The following C13orf42 variants were observed in gnomAD, a reference collection of about 807,000 sequenced individuals.
C13orf42 encodes the protein uncharacterized protein C13orf42.
At chr13:51,091,119 T>C (rs1216842248) in intron 1 of C13orf42, among the ~76,000 whole-genome samples, 1 of 152,222 alleles carries the variant, frequency 6.6e-6, no homozygotes, top group Non-Finnish European at 1.5e-5. Flanking sequence ...TCTGAAACAC[T>C]GACAAGTGAG....
At chr13:51,149,248 T>C (rs558713742) in intron 1 of C13orf42, among the ~76,000 whole-genome samples, 4 of 149,486 alleles carry the variant, frequency 2.7e-5, no homozygotes, top group Middle Eastern at 3.2e-3. Context: ...CTCTGAAGGC[T>C]GCTTAGAAAT....
upstream of C13orf42, among the ~76,000 whole-genome samples, chr13:51,115,016 AAAC>A (rs556926964): frequency 2.6e-5 from 4 of 152,236 alleles, no homozygotes; most frequent in Non-Finnish European, 5.9e-5. Flanking sequence ...TACAATTAAA[AAAC>A]AACAAAAATA....
In C13orf42 at chr13:51,087,712, G is replaced by A. The variant is rs572870860; in HGVS notation, c.562+216C>T. 2.7e-4 allele frequency among the ~76,000 whole-genome samples: 41 copies of A among 152,318 alleles called. No individual in the cohort carries two copies. The South Asian group carries it at 3.7e-3, about 14-fold the overall frequency. ...AGTGTTGGAGAGGCAGCCTAGAGCC[G>A]TGGCAGCACAGAAAACTGAAGTAAG... On this transcript the variant is annotated intron_variant, in intron 2 of 3. Transcript: ENST00000563710.
At chr13:51,160,912 C>G (rs1319424555) in intron 1 of C13orf42, among the ~76,000 whole-genome samples, 1 of 150,352 alleles carries the variant, frequency 6.7e-6, no homozygotes, top group Admixed American at 6.6e-5. Flanking sequence ...TATTGGAGAT[C>G]CTGCCAGCAT....
At chr13:51,108,101 T>C (rs1014489444) in intron 1 of C13orf42, among the ~76,000 whole-genome samples, 1 of 152,134 alleles carries the variant, frequency 6.6e-6, no homozygotes, top group Non-Finnish European at 1.5e-5. Flanking sequence ...CTTTTGTCCG[T>C]GGCATTCTCC....
At chr13:51,114,900 G>A (rs1953474880), upstream of C13orf42, among the ~76,000 whole-genome samples, 2 of 152,226 alleles carry the variant, frequency 1.3e-5, no homozygotes, top group South Asian at 2.1e-4. Context: ...GTCAAAAAAG[G>A]AGGGAGATGG....
At chr13:51,144,343 C>T (rs1953719082) in intron 1 of C13orf42, among the ~76,000 whole-genome samples, 1 of 143,244 alleles carries the variant, frequency 7.0e-6, no homozygotes, top group African/African-American at 2.6e-5. Flanking sequence ...AGTCTTAAAA[C>T]TTTCTTTTGA....
chr13:51,094,092 C>T (rs1953208928), intron 1 of C13orf42, among the ~76,000 whole-genome samples: 2 of 152,198 alleles, frequency 1.3e-5, no homozygotes, highest in South Asian at 2.1e-4. Context: ...ATGGTGGATC[C>T]GGAGTCTCTT....
chr13:51,111,818 G>A (rs1953437869), upstream of C13orf42, among the ~76,000 whole-genome samples: 1 of 151,992 alleles, frequency 6.6e-6, no homozygotes, highest in Non-Finnish European at 1.5e-5. Context: ...ACAGGAGCTC[G>A]CAGATCCCCC....
intron 1 of C13orf42, among the ~76,000 whole-genome samples, chr13:51,106,573 T>C (rs1281567361): frequency 6.6e-6 from 1 of 152,090 alleles, no homozygotes; most frequent in Non-Finnish European, 1.5e-5. Flanking sequence ...CAAGCCCCAG[T>C]TTTCCCCTTT....
At chr13:51,091,728 C>T (rs749461124) in intron 1 of C13orf42, among the ~76,000 whole-genome samples, 4 of 152,184 alleles carry the variant, frequency 2.6e-5, no homozygotes, top group East Asian at 3.9e-4. Flanking sequence ...ATAGGGGAGA[C>T]AGCAAAGGGG....
intron 1 of C13orf42, among the ~76,000 whole-genome samples, chr13:51,169,617 C>T (rs1211349613): frequency 6.6e-6 from 1 of 152,212 alleles, no homozygotes; most frequent in African/African-American, 2.4e-5. Flanking sequence ...GACCAAGGTC[C>T]GGCCACTCTG....
At position 51,142,599 on chromosome 13, in the gene C13orf42, A is replaced by C. The variant is rs540566415; in HGVS notation, n.137-29377T>G. Among the ~76,000 whole-genome samples the C allele has an allele frequency of 2.2e-3, 333 of 150,394 alleles. 3 individuals carry two copies. Among genetic ancestry groups the C allele is most frequent in the African/African-American group, 7.9e-3 (323 of 41,016 alleles). On this transcript the variant is annotated intron_variant and non_coding_transcript_variant, in intron 1 of 4. Transcript: ENST00000433280. ...TTGTGGGAAAACATTTCTGCTTAAAAAAAAAAAAAGAAAGAAGAAAAAGAA... is the reference window on the plus strand; with the variant it reads ...TTGTGGGAAAACATTTCTGCTTAAACAAAAAAAAAGAAAGAAGAAAAAGAA...
At chr13:51,136,096 C>G (rs1953655633) in intron 1 of C13orf42, among the ~76,000 whole-genome samples, 1 of 152,164 alleles carries the variant, frequency 6.6e-6, no homozygotes, top group African/African-American at 2.4e-5. Context: ...CTTGCCCACC[C>G]TCTGGTCTCC....
At chr13:51,167,919 C>G (rs1321990276) in intron 1 of C13orf42, among the ~76,000 whole-genome samples, 1 of 152,172 alleles carries the variant, frequency 6.6e-6, no homozygotes, top group Non-Finnish European at 1.5e-5. Flanking sequence ...TCTGTATGCT[C>G]AGAGAATCTT....
intron 1 of C13orf42, among the ~76,000 whole-genome samples, chr13:51,171,763 A>T (rs1042067087): frequency 7.9e-5 from 12 of 152,004 alleles, no homozygotes; most frequent in African/African-American, 2.9e-4. Context: ...ACCCCAAATC[A>T]GATAGCGTTT....
intron 1 of C13orf42, among the ~76,000 whole-genome samples, chr13:51,138,874 TAC>T (rs1323022822): frequency 2.0e-5 from 3 of 152,102 alleles, no homozygotes; most frequent in African/African-American, 7.2e-5. Context: ...TGAATATATA[TAC>T]ACATATATAT....
rs926852140 is a variant in C13orf42, at chr13:51,083,041, T to C, written c.*1110A>G. The C allele has an allele frequency of 6.6e-5, 10 of 152,374 alleles. No individual in the cohort carries two copies. The South Asian group carries it at 8.3e-4, about 13-fold the overall frequency. 9.4% of individuals were successfully genotyped at this position (152,374 alleles called of 1,614,324 possible). A position where few individuals can be genotyped will look rare whatever the true frequency, so the allele number is the denominator to read the frequency against. ...AACATCCTTGGCTTAATTCAAATGA[T>C]TGTGGTTTTCTTTGTTTTGTTTTGT... On this transcript the variant is annotated 3_prime_UTR_variant, in exon 4 of 4. Transcript: ENST00000563710.
chr13:51,146,694 T>C (rs749311878), intron 1 of C13orf42, among the ~76,000 whole-genome samples: 3 of 152,246 alleles, frequency 2.0e-5, no homozygotes, highest in Admixed American at 6.5e-5. Context: ...GGTTGCATTC[T>C]TTTCAGTTTC....
Sources: gnomAD v4.1 joint callset for allele counts (sites outside exome capture counted in the v4.1 genomes callset) on GRCh38, gnomAD v4.1.1 for gene constraint, MANE v1.5 for transcripts, NCBI Gene and HGNC (gene_info 2026-07-23, HGNC 2026-07-21) for gene names.